GALNT7: variants seen among roughly 807,000 people sequenced by gnomAD.
The protein encoded by GALNT7 is N-acetylgalactosaminyltransferase 7.
GALNT7 carries 60 observed loss-of-function variants against 82.1 expected under a neutral mutation model. The observed-to-expected ratio is 0.73, with a 90% CI of 0.59 to 0.91. GALNT7 has a LOEUF of 0.91. Ranked by LOEUF, GALNT7 falls within the 40% of genes least tolerant of loss-of-function variation. The pLI, the probability that GALNT7 is intolerant of heterozygous loss-of-function variation, is 0.00. For missense variants in GALNT7, 660 were observed against 804.2 expected, an observed-to-expected ratio of 0.82 and a Z score of 2.17; for synonymous variants, 243 against 275.1, an observed-to-expected ratio of 0.88 and a Z score of 1.15.
intron 1 of GALNT7, among the ~76,000 whole-genome samples, chr4:173,219,572 T>C (rs959414128): frequency 6.6e-6 from 1 of 152,180 alleles, no homozygotes; most frequent in Non-Finnish European, 1.5e-5. Context: ...CTCCACACTG[T>C]TTTCCACAGT....
intron 11 of GALNT7, among the ~76,000 whole-genome samples, chr4:173,319,989 T>C (rs1737746289): frequency 1.3e-5 from 2 of 152,178 alleles, no homozygotes; most frequent in African/African-American, 4.8e-5. Context: ...TGAAAACATG[T>C]AGAAAATTCA....
chr4:173,292,379 A>G lies in GALNT7; in HGVS notation c.754+105A>G, dbSNP rs994477858. ...TAGCTTTAAAAAATTAATAGCATCTATTGATAGCATCTGTTATCAACAAGT... is the reference window on the plus strand; with the variant it reads ...TAGCTTTAAAAAATTAATAGCATCTGTTGATAGCATCTGTTATCAACAAGT... On this transcript the variant is annotated intron_variant, in intron 3 of 11. Transcript: ENST00000265000. This position sits in a 1 kb window ranked among gnomAD's most constrained non-coding sequence, Gnocchi z 4.8. 20 of 664,338 alleles carry G rather than the reference A, an allele frequency of 3.0e-5. No individual in the cohort carries two copies. Among genetic ancestry groups the G allele is most frequent in the Non-Finnish European group, 7.7e-6 (3 of 391,238 alleles). The allele number at this position is 664,338 out of a possible 1,614,324, so 41.2% of individuals were successfully genotyped here. A position where few individuals can be genotyped will look rare whatever the true frequency, so the allele number is the denominator to read the frequency against.
chr4:173,189,861 G>A (rs1263173538), intron 1 of GALNT7, among the ~76,000 whole-genome samples: 1 of 152,184 alleles, frequency 6.6e-6, no homozygotes, highest in Non-Finnish European at 1.5e-5. Context: ...GGAAATACAT[G>A]AAGGCTGAAC....
Position 173,298,398 on chromosome 4 carries a change from G to C in GALNT7, c.1148+101G>C, listed in dbSNP as rs544586883. The C allele has an allele frequency of 3.5e-4, 260 of 734,142 alleles. 2 individuals carry two copies. The highest frequency in any genetic ancestry group is 2.0e-4 in the Non-Finnish European group (90 of 455,868). 45.5% of individuals were successfully genotyped at this position (734,142 alleles called of 1,614,324 possible). A position where few individuals can be genotyped will look rare whatever the true frequency, so the allele number is the denominator to read the frequency against. On this transcript the variant is annotated intron_variant, in intron 6 of 11. Coordinates refer to ENST00000265000, the MANE Select transcript of GALNT7 (RefSeq NM_017423.3). ...ATTCGTTATTAAAACTGTAGATGTT[G>C]TCTCAGATTCTGAAAGAACATCTTT...
intron 1 of GALNT7, among the ~76,000 whole-genome samples, chr4:173,183,380 T>A (rs983431646): frequency 6.6e-6 from 1 of 151,942 alleles, no homozygotes; most frequent in Non-Finnish European, 1.5e-5. Flanking sequence ...AGATCAGTGA[T>A]TGAGCAGGAA....
chr4:173,210,350 TC>T, intron 1 of GALNT7, among the ~76,000 whole-genome samples: 1 of 152,336 alleles, frequency 6.6e-6, no homozygotes, highest in Non-Finnish European at 1.5e-5. Context: ...ATTGACTCTT[TC>T]CTAAACATAC....
intron 2 of GALNT7, among the ~76,000 whole-genome samples, chr4:173,274,605 A>G (rs1735835808): frequency 6.6e-6 from 1 of 152,194 alleles, no homozygotes; most frequent in Non-Finnish European, 1.5e-5. Flanking sequence ...AATGAATAAT[A>G]ATAATAATGC....
In GALNT7 at chr4:173,222,506, G is replaced by T. The variant is rs114986499; in HGVS notation, c.127-25474G>T. 3.7e-4 allele frequency among the ~76,000 whole-genome samples: 56 copies of T among 152,210 alleles called. 1 individual carries two copies. Among genetic ancestry groups the T allele is most frequent in the Non-Finnish European group, 6.0e-4 (41 of 67,998 alleles). ...AGGCTGGTCTTGAACTCCAAAATCA[G>T]CTATTCTTTAAAAATTATGCATTTG... On this transcript the variant is annotated intron_variant, in intron 1 of 11. Coordinates refer to ENST00000265000, the MANE Select transcript of GALNT7 (RefSeq NM_017423.3).
chr4:173,265,409 C>G (rs1356772691), intron 2 of GALNT7, among the ~76,000 whole-genome samples: 1 of 152,076 alleles, frequency 6.6e-6, no homozygotes, highest in African/African-American at 2.4e-5. Context: ...ACTTTTAGAA[C>G]ATAGAAAACT....
At chr4:173,230,296 TA>T (rs33977947) in intron 1 of GALNT7, among the ~76,000 whole-genome samples, 136,597 of 151,848 alleles carry the variant, frequency 0.9, 62,826 homozygotes, top group Non-Finnish European at 1. Context: ...GCATATGTTA[TA>T]TATTCTTTCA....
chr4:173,225,958 T>C (rs1046003047), intron 1 of GALNT7, among the ~76,000 whole-genome samples: 2 of 152,094 alleles, frequency 1.3e-5, no homozygotes, highest in Non-Finnish European at 1.5e-5. Flanking sequence ...TCCTTCCAAT[T>C]TGGAGCAAGA....
chr4:173,308,248 C>G (rs1737232834), intron 8 of GALNT7, among the ~76,000 whole-genome samples: 1 of 152,156 alleles, frequency 6.6e-6, no homozygotes, highest in Admixed American at 6.5e-5. Context: ...AGGCTGGTGT[C>G]TCCTACTTTG....
chr4:173,226,891 C>G (rs948164085), intron 1 of GALNT7, among the ~76,000 whole-genome samples: 1 of 152,048 alleles, frequency 6.6e-6, no homozygotes, highest in Non-Finnish European at 1.5e-5. Context: ...TGGAAGACCT[C>G]GAAATACTTT....
At chr4:173,272,266 G>A (rs1337526804) in intron 2 of GALNT7, among the ~76,000 whole-genome samples, 1 of 152,002 alleles carries the variant, frequency 6.6e-6, no homozygotes, top group African/African-American at 2.4e-5. Context: ...TGGACTATCT[G>A]TAGACCATTA....
At chr4:173,252,320 C>T (rs1734876974) in intron 2 of GALNT7, among the ~76,000 whole-genome samples, 1 of 152,156 alleles carries the variant, frequency 6.6e-6, no homozygotes. Flanking sequence ...AGAACACAGG[C>T]CCTAACAGCC....
intron 9 of GALNT7, among the ~76,000 whole-genome samples, chr4:173,315,484 T>TAG (rs941841143): frequency 6.6e-6 from 1 of 152,086 alleles, no homozygotes; most frequent in African/African-American, 2.4e-5. Flanking sequence ...CATCAGCAGG[T>TAG]AGGTCGTTTC....
Position 173,289,282 on chromosome 4 carries a change from A to G in GALNT7, c.588-2826A>G, listed in dbSNP as rs150032868. On this transcript the variant is annotated intron_variant, in intron 2 of 11. Coordinates refer to ENST00000265000, the MANE Select transcript of GALNT7 (RefSeq NM_017423.3). ...GATGATCCCTTCTTCCTGCACCTAAATATGTTGTAGTTTTGCCAATGCACC... is the reference window on the plus strand; with the variant it reads ...GATGATCCCTTCTTCCTGCACCTAAGTATGTTGTAGTTTTGCCAATGCACC... Among the ~76,000 whole-genome samples, 5 of 152,214 alleles carry G rather than the reference A, an allele frequency of 3.3e-5. 1 individual carries two copies. In the East Asian group the frequency reaches 9.7e-4, roughly 29 times the overall value.
chr4:173,290,377 C>T (rs956184694), intron 2 of GALNT7, among the ~76,000 whole-genome samples: 2 of 152,118 alleles, frequency 1.3e-5, no homozygotes, highest in East Asian at 1.9e-4. Flanking sequence ...AAAGTCTATA[C>T]GTACTCATCT....
intron 1 of GALNT7, among the ~76,000 whole-genome samples, chr4:173,174,163 C>A (rs151113511): frequency 6.5e-4 from 99 of 152,240 alleles, no homozygotes; most frequent in African/African-American, 2.2e-3. Flanking sequence ...CTTCTCCCCC[C>A]ACACATAATA....
Sources: gnomAD v4.1 joint callset for allele counts (sites outside exome capture counted in the v4.1 genomes callset) on GRCh38, gnomAD v4.1.1 for gene constraint, Gnocchi (gnomAD v3.1) non-coding constraint, MANE v1.5 for transcripts, NCBI Gene and HGNC (gene_info 2026-07-23, HGNC 2026-07-21) for gene names.